Variants in ZFYVE26 observed in about 807,000 individuals in gnomAD.
The protein encoded by ZFYVE26 is zinc finger FYVE-type containing 26, also known as zinc finger FYVE domain-containing protein 26.
A neutral mutation model predicts 276.5 loss-of-function variants in ZFYVE26; 181 were observed. The observed-to-expected ratio is 0.65, with a 90% CI of 0.58 to 0.74. The LOEUF (loss-of-function observed/expected upper bound fraction) is 0.74. Among genes scored for constraint, ZFYVE26 ranks in the 30% least tolerant of loss-of-function variants. The pLI is 0.00. For missense variants in ZFYVE26, 2,821 were observed against 3,097.9 expected (o/e 0.91, Z 2.12); for synonymous variants, 1,129 against 1,203.1 (o/e 0.94, Z 1.27).
At chr14:67,799,019 G>A in intron 10 of ZFYVE26, 1 of 1,160,452 alleles carries the variant, frequency 8.6e-7, no homozygotes, top group South Asian at 1.2e-5. Context: ...CCTGGGAAAA[G>A]TCTATTCCGT....
In ZFYVE26 at chr14:67,789,389, T is replaced by G; in HGVS notation, c.2965A>C (p.Lys989Gln). Reference sequence around the variant, plus strand: ...CGTTCGGCTGTCTCCAAAAGCTGCTTGCAGGTTTTCCAGAGCTGGCACTGA... The same window carrying G: ...CGTTCGGCTGTCTCCAAAAGCTGCTGGCAGGTTTTCCAGAGCTGGCACTGA... Reference protein sequence around the residue: ...CSQCQLWKTCKQLLETAERRL... With the variant: ...CSQCQLWKTCQQLLETAERRL... Residue 989 changes from lysine (K) to glutamine (Q), a missense_variant, in exon 16 of 42, where the codon AAG becomes CAG. By Grantham distance (53) the Lys-to-Gln change is moderately conservative. Coordinates refer to ENST00000347230, the MANE Select transcript of ZFYVE26 (RefSeq NM_015346.4). The G allele has an allele frequency of 6.2e-7, 1 of 1,614,218 alleles. No homozygotes were observed. Among genetic ancestry groups the G allele is most frequent in the Non-Finnish European group, 8.5e-7 (1 of 1,180,038 alleles).
chr14:67,743,951 GAAGA>G (rs2038450612), downstream of ZFYVE26, among the ~76,000 whole-genome samples: 1 of 152,196 alleles, frequency 6.6e-6, no homozygotes, highest in Non-Finnish European at 1.5e-5. Flanking sequence ...AGGGCTCCAA[GAAGA>G]AATAACAACA....
chr14:67,740,780 C>T (rs1046540984), intron 13 of ZFYVE26, among the ~76,000 whole-genome samples: 74 of 151,936 alleles, frequency 4.9e-4, no homozygotes, highest in Non-Finnish European at 9.4e-4. Context: ...CAGTGGCAGG[C>T]GCCTGTAATC....
intron 2 of ZFYVE26, among the ~76,000 whole-genome samples, chr14:67,815,107 G>A (rs1015524540): frequency 5.3e-5 from 8 of 152,146 alleles, no homozygotes; most frequent in African/African-American, 1.9e-4. Context: ...ATTCTTTTGT[G>A]GTAATGGAAC....
chr14:67,752,329 C>T lies in ZFYVE26; in HGVS notation c.7371+15G>A, dbSNP rs765474728. 54 of 1,604,064 alleles carry T rather than the reference C, an allele frequency of 3.4e-5. No individual in the cohort carries two copies. Among genetic ancestry groups the T allele is most frequent in the South Asian group, 5.6e-5 (5 of 89,006 alleles). Reference sequence around the variant, plus strand: ...AAATTGATGGAGGAGCCAAGAGGTACGGGAGGGAGTGTACCTGGGGCGGAA... The same window carrying T: ...AAATTGATGGAGGAGCCAAGAGGTATGGGAGGGAGTGTACCTGGGGCGGAA... On this transcript the variant is annotated intron_variant, in intron 40 of 41. Coordinates refer to ENST00000347230, the MANE Select transcript of ZFYVE26 (RefSeq NM_015346.4).
rs2140249610 is a variant in ZFYVE26 at position 67,805,207 on chromosome 14, A to G, written c.1271+10T>C. 1.2e-6 allele frequency: 2 copies of G among 1,613,370 alleles called. No homozygotes were observed. The highest frequency in any genetic ancestry group is 1.7e-6 in the Non-Finnish European group (2 of 1,179,762). On this transcript the variant is annotated intron_variant, in intron 8 of 41. Transcript: ENST00000347230. ...TGTGGTGGGCAGGCGCTGACTGCAC[A>G]GGGCCATACCTGCTCTGCTGTATGC...
chr14:67,786,147 A>T lies in ZFYVE26; in HGVS notation c.3106T>A (p.Tyr1036Asn). The change falls in exon 17 of 42, where the codon TAT (tyrosine) becomes AAT (asparagine). Residue 1036 changes from tyrosine to asparagine, a missense_variant. By Grantham distance (143) the Tyr-to-Asn change is moderately radical. Transcript: ENST00000347230. ...GTTTGACTGGCTGACATAAGCAGAT[A>T]ATTGAGACTCTTACTGATTTGCTGA... is the stretch of plus-strand genomic sequence containing the variant. ...VLQQISKSLN[Y>N]LLMSASQTKS... 6.2e-7 allele frequency: 1 copy of T among 1,613,360 alleles called. No individual in the cohort carries two copies. Among genetic ancestry groups the T allele is most frequent in the Non-Finnish European group, 8.5e-7 (1 of 1,179,852 alleles).
At chr14:67,779,475 T>A (rs2140217597) in intron 23 of ZFYVE26, among the ~76,000 whole-genome samples, 1 of 152,208 alleles carries the variant, frequency 6.6e-6, no homozygotes, top group East Asian at 1.9e-4. Flanking sequence ...GGCAGGAGAA[T>A]CATCTGAACC....
intron 35 of ZFYVE26, among the ~76,000 whole-genome samples, chr14:67,759,846 T>A (rs144200537): frequency 6.6e-6 from 1 of 152,286 alleles, no homozygotes; most frequent in East Asian, 1.9e-4. Flanking sequence ...AATCTATTTA[T>A]GTTTTAGAAA....
intron 32 of ZFYVE26, among the ~76,000 whole-genome samples, chr14:67,763,136 A>G (rs1004623537): frequency 6.6e-6 from 1 of 152,124 alleles, no homozygotes; most frequent in Non-Finnish European, 1.5e-5. Flanking sequence ...AACTCCTGAC[A>G]TCAGGTGATC....
intron 19 of ZFYVE26, among the ~76,000 whole-genome samples, chr14:67,784,727 C>T (rs537859674): frequency 1.1e-4 from 16 of 152,308 alleles, no homozygotes; most frequent in African/African-American, 3.8e-4. Flanking sequence ...GCATGTAGTA[C>T]TCACTCTGTG....
At chr14:67,764,498 C>G (rs996498397) in intron 32 of ZFYVE26, among the ~76,000 whole-genome samples, 2 of 152,160 alleles carry the variant, frequency 1.3e-5, no homozygotes, top group South Asian at 2.1e-4. Context: ...GAATTACAGA[C>G]AAGAGCCACT....
intron 31 of ZFYVE26, among the ~76,000 whole-genome samples, chr14:67,767,012 T>C (rs1469821415): frequency 1.3e-5 from 2 of 152,166 alleles, no homozygotes; most frequent in African/African-American, 2.4e-5. Context: ...CCTTGTTACC[T>C]ACTTCTTGAC....
chr14:67,804,907 T>C (rs2040146047), intron 8 of ZFYVE26, among the ~76,000 whole-genome samples: 2 of 152,246 alleles, frequency 1.3e-5, no homozygotes, highest in Non-Finnish European at 2.9e-5. Flanking sequence ...TGAGGCTTAA[T>C]TGAAATCATC....
intron 3 of ZFYVE26, among the ~76,000 whole-genome samples, chr14:67,813,143 T>G (rs1438152127): frequency 6.6e-6 from 1 of 152,154 alleles, no homozygotes; most frequent in Non-Finnish European, 1.5e-5. Flanking sequence ...GAGCAAAAAT[T>G]TAAAAAACTG....
chr14:67,759,758 T>C (rs1180117766), intron 35 of ZFYVE26, among the ~76,000 whole-genome samples: 1 of 152,138 alleles, frequency 6.6e-6, no homozygotes, highest in Non-Finnish European at 1.5e-5. Context: ...GTTAGTTCTG[T>C]AGCATGCTAA....
At chr14:67,739,044 C>T (rs2038384557) in intron 13 of ZFYVE26, among the ~76,000 whole-genome samples, 1 of 152,170 alleles carries the variant, frequency 6.6e-6, no homozygotes, top group African/African-American at 2.4e-5. Flanking sequence ...CCAAGGCAAC[C>T]GTGCGGATCA....
At chr14:67,786,423 C>T (rs2039661221) in intron 16 of ZFYVE26, among the ~76,000 whole-genome samples, 190 bp from the exon 17 acceptor site, 1 of 152,214 alleles carries the variant, frequency 6.6e-6, no homozygotes, top group African/African-American at 2.4e-5. Flanking sequence ...CTAGGACTGA[C>T]TCTGGCAAGA....
chr14:67,749,235 A>G (rs1391901982), intron 41 of ZFYVE26, among the ~76,000 whole-genome samples: 2 of 152,300 alleles, frequency 1.3e-5, no homozygotes, highest in South Asian at 2.1e-4. Context: ...GTTTTCGGCC[A>G]GCTGAATCTA....
Sources: gnomAD v4.1 joint callset for allele counts (sites outside exome capture counted in the v4.1 genomes callset) on GRCh38, gnomAD v4.1.1 for gene constraint, MANE v1.5 for transcripts, NCBI Gene and HGNC (gene_info 2026-07-23, HGNC 2026-07-21) for gene names.